The following B4GALNT4 variants were observed in gnomAD, a reference collection of about 807,000 sequenced individuals.
B4GALNT4 encodes N-acetyl-beta-glucosaminyl-glycoprotein 4-beta-N-acetylgalactosaminyltransferase 1.
A neutral mutation model predicts 110.0 loss-of-function variants in B4GALNT4; 77 were observed. The observed-to-expected ratio is 0.70, with a 90% CI of 0.58 to 0.85. The LOEUF is 0.85. Among genes scored for constraint, B4GALNT4 ranks in the 40% least tolerant of loss-of-function variants. The pLI, the probability that B4GALNT4 is intolerant of heterozygous loss-of-function variation, is 0.00. For synonymous variants in B4GALNT4, 785 were observed against 655.5 expected, an observed-to-expected ratio of 1.20 and a Z score of -3.02; for missense variants, 1,575 against 1,506.0, an observed-to-expected ratio of 1.05 and a Z score of -0.76.
Position 372,924 on chromosome 11 carries a change from C to G in B4GALNT4, c.421C>G (p.Leu141Val), listed in dbSNP as rs1846644463. Reference protein sequence around the residue: ...GGAVGHLRRNLHFPLFPHTRT... With the variant: ...GGAVGHLRRNVHFPLFPHTRT... Reference sequence around the variant, plus strand: ...CGCCGTGGGCCACCTGAGGAGGAACCTGCACTTCCCGCTGTTCCCTCATGT... The same window carrying G: ...CGCCGTGGGCCACCTGAGGAGGAACGTGCACTTCCCGCTGTTCCCTCATGT... The change falls in exon 4 of 20, where the codon CTG (leucine) becomes GTG (valine). Residue 141 changes from leucine to valine, a missense_variant. Leu to Val is a conservative substitution (Grantham distance 32). Transcript: ENST00000329962. 6.2e-7 allele frequency: 1 copy of G among 1,611,424 alleles called. No homozygotes were observed. The highest frequency in any genetic ancestry group is 8.5e-7 in the Non-Finnish European group (1 of 1,179,620).
rs760779482 is a variant in B4GALNT4 at position 377,192 on chromosome 11, C to T, written c.2069C>T (p.Ala690Val). 3 of 1,587,244 alleles carry T rather than the reference C, an allele frequency of 1.9e-6. No individual in the cohort carries two copies. The South Asian group carries it at 3.4e-5, about 18-fold the overall frequency. The change falls in exon 14 of 20, where the codon GCC becomes GTC. Residue 690 changes from alanine to valine, a missense_variant. Ala to Val is a moderately conservative substitution (Grantham distance 64). Transcript: ENST00000329962. ...TGGCAGCGCACGTTCAGCGTGGGCG[C>T]CGTGGACTTCGAGCTGCTGCGCTCG... Reference protein sequence around the residue: ...IDWQRTFSVGAVDFELLRSDW... With the variant: ...IDWQRTFSVGVVDFELLRSDW...
In B4GALNT4 at chr11:380,128, A is replaced by T; in HGVS notation, c.2643-2A>T. 1 of 1,601,440 alleles carries T rather than the reference A, an allele frequency of 6.2e-7. No individual in the cohort carries two copies. The highest frequency in any genetic ancestry group is 8.5e-7 in the Non-Finnish European group (1 of 1,171,658). On this transcript the variant is annotated splice_acceptor_variant, in intron 16 of 19. Transcript: ENST00000329962. LOFTEE classifies it high-confidence loss of function. ...ATCGTGCCTGTGACTCGCCCTCCCC[A>T]GGTACCAGTACCTGAGACGAACCGG...
rs1189829428 is a variant in B4GALNT4 at position 369,624 on chromosome 11, G to A, written c.-180G>A. On this transcript the variant is annotated 5_prime_UTR_variant, in exon 1 of 20. Coordinates refer to ENST00000329962, the MANE Select transcript of B4GALNT4 (RefSeq NM_178537.5). ...CGCCGCCCACCCCGGGCCCGCGGCC[G>A]AGGGCGGCCTGGGGGGGTCGCGGCC... is the stretch of plus-strand genomic sequence containing the variant. Among the ~76,000 whole-genome samples, 1 of 144,436 alleles carries A rather than the reference G, an allele frequency of 6.9e-6. No individual in the cohort carries two copies. The highest frequency in any genetic ancestry group is 2.5e-5 in the African/African-American group (1 of 40,232). The allele number at this position is 144,436 out of a possible 152,430, so 94.8% of individuals were successfully genotyped here.
chr11:380,795 A>G (rs1333880079), intron 18 of B4GALNT4, 30 bp from the exon 19 acceptor site: 1 of 1,613,488 alleles, frequency 6.2e-7, no homozygotes, highest in African/African-American at 1.3e-5. Flanking sequence ...CCTGGTCTGA[A>G]GGGTAGCACC....
At position 373,417 on chromosome 11, in the gene B4GALNT4, C is replaced by CG. The variant is rs758985466; in HGVS notation, c.637-32_637-31insG. 226 of 1,225,598 alleles carry CG rather than the reference C, an allele frequency of 1.8e-4. 15 individuals carry two copies. The highest frequency in any genetic ancestry group is 3.3e-4 in the South Asian group (26 of 79,526). 75.9% of individuals were successfully genotyped at this position (1,225,598 alleles called of 1,614,324 possible). On this transcript the variant is annotated intron_variant, in intron 6 of 19. Coordinates refer to ENST00000329962, the MANE Select transcript of B4GALNT4 (RefSeq NM_178537.5). ...CCCAGGGAGAGAGTGAACCCCCCCC[C>CG]CCACCACCACCCCTGCTCTATCACC...
intron 14 of B4GALNT4, 88 bp from the exon 15 acceptor site, chr11:379,330 G>A (rs1301464814): frequency 2.7e-5 from 37 of 1,369,576 alleles, no homozygotes; most frequent in South Asian, 6.3e-5. Flanking sequence ...CTCCAAGTCG[G>A]CTGAGTTTCT....
chr11:381,042 G>A lies in B4GALNT4; in HGVS notation c.2996+91G>A, dbSNP rs188524322. 1.6e-3 allele frequency: 2,391 copies of A among 1,519,456 alleles called. 2 individuals are homozygous for A. The highest frequency in any genetic ancestry group is 2.0e-3 in the Non-Finnish European group (2,221 of 1,133,424). The allele number at this position is 1,519,456 out of a possible 1,614,324, so 94.1% of individuals were successfully genotyped here. On this transcript the variant is annotated intron_variant, in intron 19 of 19. Coordinates refer to ENST00000329962, the MANE Select transcript of B4GALNT4 (RefSeq NM_178537.5). The stretch of plus-strand genomic sequence containing the variant: ...AAGGGGGATTTATGCCCCCCACGGC[G>A]CCCACATGCTGAGAGAACTCTGCCC...
Position 375,631 on chromosome 11 carries a change from GC to G in B4GALNT4, c.851-3del. ...TCTGAGCACTCCCTGGAACTCTTCT[GC>G]CCCCAGATGAGTCAGCCTTGAAGAT... On this transcript the variant is annotated splice_polypyrimidine_tract_variant and splice_region_variant and intron_variant, in intron 9 of 19. Coordinates refer to ENST00000329962, the MANE Select transcript of B4GALNT4 (RefSeq NM_178537.5). 1 of 1,590,888 alleles carries G rather than the reference GC, an allele frequency of 6.3e-7. No homozygotes were observed. Among genetic ancestry groups the G allele is most frequent in the South Asian group, 1.1e-5 (1 of 90,920 alleles).
chr11:376,806 C>T lies in B4GALNT4; in HGVS notation c.1683C>T (p.Pro561=), dbSNP rs1167962463. The T allele has an allele frequency of 6.5e-6, 9 of 1,376,284 alleles. No homozygotes were observed. Among genetic ancestry groups the T allele is most frequent in the African/African-American group, 3.1e-5 (2 of 64,994 alleles). The allele number at this position is 1,376,284 out of a possible 1,614,324, so 85.3% of individuals were successfully genotyped here. Residue 561 remains proline, a synonymous_variant, in exon 14 of 20, where the codon CCC becomes CCT. Transcript: ENST00000329962. ...PGVFLHPRPL[P]RVQLRAPPRP... is the part of the protein sequence containing the mutation. ...TCTTCCTGCACCCCAGGCCTCTGCC[C>T]AGAGTGCAGCTGCGGGCGCCCCCAC...
At chr11:379,312 T>C in intron 14 of B4GALNT4, 106 bp from the exon 15 acceptor site, 1 of 1,290,446 alleles carries the variant, frequency 7.7e-7, no homozygotes, top group South Asian at 1.6e-5. Flanking sequence ...GCCCGCAGCC[T>C]CCGCCAACTC....
chr11:376,189 G>A lies in B4GALNT4; in HGVS notation c.1196+15G>A. 4 of 1,601,454 alleles carry A rather than the reference G, an allele frequency of 2.5e-6. No homozygotes were observed. Among genetic ancestry groups the A allele is most frequent in the South Asian group, 1.1e-5 (1 of 90,472 alleles). On this transcript the variant is annotated intron_variant, in intron 12 of 19. Coordinates refer to ENST00000329962, the MANE Select transcript of B4GALNT4 (RefSeq NM_178537.5). ...TATCTGGAGAGGTGGGCGCGCGGCC[G>A]GGCTAATGCGGGGCGGGGTGGGCGG...
chr11:380,069 CGG>C (rs1564872693), intron 16 of B4GALNT4, 50 bp downstream of exon 16: 3 of 1,597,724 alleles, frequency 1.9e-6, no homozygotes, highest in Non-Finnish European at 1.7e-6. Context: ...CTTTCCTCCC[CGG>C]GAGATGGGTT....
At position 372,840 on chromosome 11, in the gene B4GALNT4, C is replaced by G. The variant is rs762337422; in HGVS notation, c.349-12C>G. On this transcript the variant is annotated splice_polypyrimidine_tract_variant and intron_variant, in intron 3 of 19. Transcript: ENST00000329962. ...GCGGGCCGTGCAGAAGGTAAGGCCC[C>G]CCCATCCCCAGTACAAGGGGCAGGT... 2 of 1,603,636 alleles carry G rather than the reference C, an allele frequency of 1.2e-6. No individual in the cohort carries two copies. Among genetic ancestry groups the G allele is most frequent in the Non-Finnish European group, 1.7e-6 (2 of 1,176,534 alleles).
chr11:375,247 C>T (rs1432781625), intron 8 of B4GALNT4, among the ~76,000 whole-genome samples: 2 of 151,508 alleles, frequency 1.3e-5, no homozygotes, highest in African/African-American at 2.4e-5. Flanking sequence ...TGGGGTCTGG[C>T]CCTGCTCCCA....
rs138201387 is a variant in B4GALNT4, at chr11:381,952, C to T, written c.*160C>T. On this transcript the variant is annotated 3_prime_UTR_variant, in exon 20 of 20. Coordinates refer to ENST00000329962, the MANE Select transcript of B4GALNT4 (RefSeq NM_178537.5). Reference sequence around the variant, plus strand: ...GCCCACTGGGCGTCGTGCCCCTCCCCGGAGAGGCAGCCTTCACGGCGGGTC... The same window carrying T: ...GCCCACTGGGCGTCGTGCCCCTCCCTGGAGAGGCAGCCTTCACGGCGGGTC... 6.0e-3 allele frequency: 5,028 copies of T among 842,514 alleles called. 17 individuals carry two copies. Among genetic ancestry groups the T allele is most frequent in the Non-Finnish European group, 7.0e-3 (4,197 of 600,732 alleles). The allele number at this position is 842,514 out of a possible 1,614,324, so 52.2% of individuals were successfully genotyped here.
At position 377,100 on chromosome 11, in the gene B4GALNT4, C is replaced by T; in HGVS notation, c.1977C>T (p.Ala659=). 1 of 1,461,722 alleles carries T rather than the reference C, an allele frequency of 6.8e-7. No individual in the cohort carries two copies. Among genetic ancestry groups the T allele is most frequent in the Non-Finnish European group, 9.0e-7 (1 of 1,107,424 alleles). 90.5% of individuals were successfully genotyped at this position (1,461,722 alleles called of 1,614,324 possible). ...ACGATGGGGCCCCGGGCGACGAGGCCGCGTCGGAGGACAGCGAGGAGGCCG... is the reference window on the plus strand; with the variant it reads ...ACGATGGGGCCCCGGGCGACGAGGCTGCGTCGGAGGACAGCGAGGAGGCCG... ...GEDDGAPGDE[A]ASEDSEEAAG... The change falls in exon 14 of 20, where the codon GCC becomes GCT. Residue 659 remains alanine (A), a synonymous_variant. Coordinates refer to ENST00000329962, the MANE Select transcript of B4GALNT4 (RefSeq NM_178537.5).
In B4GALNT4 at chr11:373,787, C is replaced by T. The variant is rs1179427169; in HGVS notation, c.742C>T (p.His248Tyr). 5.6e-6 allele frequency: 9 copies of T among 1,612,228 alleles called. No individual in the cohort carries two copies. The highest frequency in any genetic ancestry group is 3.3e-5 in the Admixed American group (2 of 59,996). Residue 248 changes from histidine to tyrosine, a missense_variant, in exon 8 of 20, where the codon CAC becomes TAC. By Grantham distance (83) the His-to-Tyr change is moderately conservative. Coordinates refer to ENST00000329962, the MANE Select transcript of B4GALNT4 (RefSeq NM_178537.5). ...CCGGAGGTACTACTTTGAGTTGCTGCACAAGCAGGACGACCGCGGCTCGGA... is the reference window on the plus strand; with the variant it reads ...CCGGAGGTACTACTTTGAGTTGCTGTACAAGCAGGACGACCGCGGCTCGGA... ...ASRRYYFELL[H>Y]KQDDRGSDHV...
chr11:371,334 G>C (rs1476899065), intron 1 of B4GALNT4, among the ~76,000 whole-genome samples: 1 of 152,116 alleles, frequency 6.6e-6, no homozygotes, highest in Non-Finnish European at 1.5e-5. Flanking sequence ...TCTGCCTGTG[G>C]ACATCTCTAC....
At chr11:375,331 G>C in intron 8 of B4GALNT4, 130 bp from the exon 9 acceptor site, 1 of 957,678 alleles carries the variant, frequency 1.0e-6, no homozygotes, top group Non-Finnish European at 1.7e-6. Flanking sequence ...GGACCCCTCT[G>C]CCATCTCCTC....
Sources: gnomAD v4.1 joint callset for allele counts (sites outside exome capture counted in the v4.1 genomes callset) on GRCh38, gnomAD v4.1.1 for gene constraint, MANE v1.5 for transcripts, NCBI Gene and HGNC (gene_info 2026-07-23, HGNC 2026-07-21) for gene names.